Variants in MYO18B observed in about 807,000 individuals in gnomAD.
The protein encoded by MYO18B is myosin XVIIIB.
In MYO18B, 204 loss-of-function variants were observed where a neutral mutation model predicts 273.0. That is an observed-to-expected ratio of 0.75 (90% CI 0.67 to 0.84). MYO18B has a LOEUF of 0.84. Ranked by LOEUF, MYO18B falls within the 40% of genes least tolerant of loss-of-function variation. The pLI, the probability that MYO18B is intolerant of heterozygous loss-of-function variation, is 0.00. For missense variants in MYO18B, 3,212 were observed against 3,287.6 expected, an observed-to-expected ratio of 0.98 and a Z score of 0.56; for synonymous variants, 1,330 against 1,305.7, an observed-to-expected ratio of 1.02 and a Z score of -0.40.
At chr22:26,019,080 C>T (rs1203222258) in intron 42 of MYO18B, among the ~76,000 whole-genome samples, 6 of 151,976 alleles carry the variant, frequency 3.9e-5, no homozygotes, top group African/African-American at 1.5e-4. Flanking sequence ...CATTGCTGAC[C>T]CTTCTCCATG....
Position 25,877,989 on chromosome 22 carries a change from G to GA in MYO18B, c.4260dup (p.Ser1421IlefsTer7), listed in dbSNP as rs970002489. 5 of 1,582,294 alleles carry GA rather than the reference G, an allele frequency of 3.2e-6. No individual in the cohort carries two copies. The highest frequency in any genetic ancestry group is 1.3e-5 in the African/African-American group (1 of 74,438). On this transcript the variant is annotated frameshift_variant, in exon 25 of 44. Coordinates refer to ENST00000335473, the MANE Select transcript of MYO18B (RefSeq NM_032608.7). LOFTEE classifies it high-confidence loss of function. ...GCTTACAACGCTAAGACGGAAGCTA[G>GA]AAAAATCAGAGAAGTTGCGGAATGA...
intron 12 of MYO18B, among the ~76,000 whole-genome samples, chr22:25,799,293 T>G (rs1434817070): frequency 6.6e-6 from 1 of 152,080 alleles, no homozygotes; most frequent in East Asian, 1.9e-4. Context: ...CTCTGGAGGC[T>G]CTCCCTTGCC....
intron 21 of MYO18B, among the ~76,000 whole-genome samples, chr22:25,861,962 C>T (rs1430952993): frequency 6.6e-6 from 1 of 152,068 alleles, no homozygotes; most frequent in Non-Finnish European, 1.5e-5. Context: ...GTTCTATATC[C>T]ATGAACTGAA....
Position 26,004,740 on chromosome 22 carries a change from T to A in MYO18B, c.6355T>A (p.Ser2119Thr). 6.2e-7 allele frequency: 1 copy of A among 1,613,826 alleles called. No homozygotes were observed. The highest frequency in any genetic ancestry group is 8.5e-7 in the Non-Finnish European group (1 of 1,179,782). The change falls in exon 42 of 44, where the codon TCC becomes ACC. Residue 2119 changes from serine to threonine, a missense_variant. Coordinates refer to ENST00000335473, the MANE Select transcript of MYO18B (RefSeq NM_032608.7). ...TAGGGATAACGTCTCCATCCTCAGC[T>A]CCCAGCCAGAGGGCAGCCTGCAGTC... Reference protein sequence around the residue: ...KEMDNVSILSSQPEGSLQSWL... With the variant: ...KEMDNVSILSTQPEGSLQSWL...
chr22:26,017,344 C>T (rs529642634), intron 42 of MYO18B, among the ~76,000 whole-genome samples: 1 of 150,502 alleles, frequency 6.6e-6, no homozygotes, highest in East Asian at 1.9e-4. Context: ...TTCCTTCTTC[C>T]TTCCTTCCTT....
intron 24 of MYO18B, 44 bp downstream of exon 24, chr22:25,876,376 C>T (rs1223438968): frequency 4.5e-6 from 7 of 1,558,186 alleles, no homozygotes; most frequent in African/African-American, 4.1e-5. Context: ...CTACTCCCCA[C>T]ACCCTGCTCC....
At chr22:25,891,012 TG>T (rs2091646869) in intron 26 of MYO18B, 137 bp downstream of exon 26, 1 of 1,299,608 alleles carries the variant, frequency 7.7e-7, no homozygotes, top group Non-Finnish European at 1.0e-6. Context: ...CTCAAGGTCC[TG>T]GGGGACACTT....
At chr22:25,959,733 T>C (rs982702929) in intron 39 of MYO18B, among the ~76,000 whole-genome samples, 5 of 152,200 alleles carry the variant, frequency 3.3e-5, no homozygotes, top group Admixed American at 2.0e-4. Flanking sequence ...GCACTTAATG[T>C]CAACCTCAGC....
intron 39 of MYO18B, among the ~76,000 whole-genome samples, chr22:25,973,428 G>T (rs932258639): frequency 5.3e-5 from 8 of 152,206 alleles, no homozygotes; most frequent in Admixed American, 2.6e-4. Flanking sequence ...TCTTGGCCTG[G>T]AGTTCCTCCA....
intron 11 of MYO18B, among the ~76,000 whole-genome samples, chr22:25,792,374 G>T (rs2087702195): frequency 1.3e-5 from 2 of 152,186 alleles, no homozygotes; most frequent in African/African-American, 4.8e-5. Flanking sequence ...TTGGTGAGAT[G>T]CTGAGCGACG....
At chr22:25,968,249 G>A (rs979670471) in intron 39 of MYO18B, among the ~76,000 whole-genome samples, 2 of 152,206 alleles carry the variant, frequency 1.3e-5, no homozygotes, top group Non-Finnish European at 2.9e-5. Flanking sequence ...GAAGGGTAGA[G>A]GCTGGATTGA....
intron 42 of MYO18B, among the ~76,000 whole-genome samples, chr22:26,014,353 T>C (rs1935143412): frequency 6.6e-6 from 1 of 152,264 alleles, no homozygotes. Flanking sequence ...TATTTCACTT[T>C]TCTATGTGTC....
At chr22:25,817,085 C>A (rs992693690) in intron 12 of MYO18B, among the ~76,000 whole-genome samples, 1 of 152,190 alleles carries the variant, frequency 6.6e-6, no homozygotes, top group Admixed American at 6.5e-5. Context: ...TTCTCTCTCT[C>A]GCTCTCATTT....
chr22:25,898,511 G>A, intron 29 of MYO18B, 50 bp downstream of exon 29: 1 of 1,592,036 alleles, frequency 6.3e-7, no homozygotes, highest in Non-Finnish European at 8.5e-7. Flanking sequence ...GGGCTACATT[G>A]GAGCTGGCGT....
At chr22:26,056,625 G>C in the MYO18B span, among the ~76,000 whole-genome samples, 1 of 152,162 alleles carries the variant, frequency 6.6e-6, no homozygotes, top group African/African-American at 2.4e-5. Context: ...CTCACAGGAA[G>C]TAACATTTCT....
chr22:25,792,641 C>T (rs1382155476), intron 11 of MYO18B, among the ~76,000 whole-genome samples: 4 of 151,668 alleles, frequency 2.6e-5, no homozygotes, highest in East Asian at 1.9e-4. Context: ...ACTATAGGTG[C>T]GCGCCACCAT....
intron 19 of MYO18B, 93 bp from the exon 20 acceptor site, chr22:25,847,337 C>A: frequency 8.5e-7 from 1 of 1,170,954 alleles, no homozygotes; most frequent in South Asian, 1.5e-5. Flanking sequence ...CAAAGATGCT[C>A]AGGTTGGGCT....
chr22:25,775,639 C>A (rs2086886213), intron 7 of MYO18B, among the ~76,000 whole-genome samples: 2 of 152,150 alleles, frequency 1.3e-5, no homozygotes, highest in Non-Finnish European at 2.9e-5. Context: ...TGGAAACACA[C>A]CCTTCCTCGG....
intron 22 of MYO18B, among the ~76,000 whole-genome samples, chr22:25,873,509 T>G (rs1480732381): frequency 6.6e-6 from 1 of 152,212 alleles, no homozygotes; most frequent in African/African-American, 2.4e-5. Flanking sequence ...GGCACTATCT[T>G]GGCTCACCAC....
Sources: gnomAD v4.1 joint callset for allele counts (sites outside exome capture counted in the v4.1 genomes callset) on GRCh38, gnomAD v4.1.1 for gene constraint, MANE v1.5 for transcripts, NCBI Gene and HGNC (gene_info 2026-07-23, HGNC 2026-07-21) for gene names.